The following KIF3B variants were observed in gnomAD, a reference collection of about 807,000 sequenced individuals.
KIF3B encodes the protein kinesin family member 3B.
Under a neutral mutation model 74.3 loss-of-function variants are expected in KIF3B, and 38 were observed. That is an observed-to-expected ratio of 0.51 (90% confidence interval 0.39 to 0.67). KIF3B has a LOEUF of 0.67. KIF3B is among the 30% of genes least tolerant of loss of function. The pLI is 0.00. For synonymous variants in KIF3B, 326 were observed against 342.5 expected, an observed-to-expected ratio of 0.95 and a Z score of 0.53; for missense variants, 649 against 932.0, an observed-to-expected ratio of 0.70 and a Z score of 3.95.
intron 2 of KIF3B, among the ~76,000 whole-genome samples, chr20:32,311,897 G>T (rs1475857945): frequency 3.3e-5 from 5 of 150,712 alleles, no homozygotes; most frequent in Admixed American, 2.6e-4. Context: ...CTGCCATCCG[G>T]GTTCAAGTGA....
At position 32,316,835 on chromosome 20, in the gene KIF3B, A is replaced by G. The variant is rs370815700; in HGVS notation, c.1709A>G (p.Glu570Gly). The change falls in exon 5 of 9, where the codon GAG (glutamate) becomes GGG (glycine). Residue 570 changes from glutamate to glycine, a missense_variant. Transcript: ENST00000375712. ...CACATCAAGGAGCGCCAAGAGCTAGAGCAGACTCAGAATGAGCTCACCAGG... is the reference window on the plus strand; with the variant it reads ...CACATCAAGGAGCGCCAAGAGCTAGGGCAGACTCAGAATGAGCTCACCAGG... ...EEHIKERQEL[E>G]QTQNELTREL... 8.1e-6 allele frequency: 13 copies of G among 1,613,982 alleles called. No individual in the cohort carries two copies. The African/African-American group carries it at 1.6e-4, about 20-fold the overall frequency.
At chr20:32,315,368 A>G (rs1046938503) in intron 2 of KIF3B, among the ~76,000 whole-genome samples, 1 of 152,132 alleles carries the variant, frequency 6.6e-6, no homozygotes. Context: ...CTGTCTGTGT[A>G]TCTGGCCCTG....
In KIF3B at chr20:32,316,333, C is replaced by A. The variant is rs1323326567; in HGVS notation, c.1506+14C>A. On this transcript the variant is annotated intron_variant, in intron 3 of 8. Transcript: ENST00000375712. ...ATTGCAGAGCAGGTAACTTTTCATT[C>A]TTTTTCAGGGAGAATGGGTGAGGTA... is the stretch of plus-strand genomic sequence containing the variant. 3 of 1,591,264 alleles carry A rather than the reference C, an allele frequency of 1.9e-6. No individual in the cohort carries two copies. The highest frequency in any genetic ancestry group is 2.6e-6 in the Non-Finnish European group (3 of 1,159,282).
Position 32,305,687 on chromosome 20 carries a change from A to G in KIF3B, c.-65-4026A>G, listed in dbSNP as rs187835178. ...AGCCTCCGCCTCCCAGGTTCAAACAATTCTGCTGCCTCAAGTAGCTGGGAT... is the reference window on the plus strand; with the variant it reads ...AGCCTCCGCCTCCCAGGTTCAAACAGTTCTGCTGCCTCAAGTAGCTGGGAT... On this transcript the variant is annotated intron_variant, in intron 1 of 8. Coordinates refer to ENST00000375712, the MANE Select transcript of KIF3B (RefSeq NM_004798.4). Among the ~76,000 whole-genome samples the G allele has an allele frequency of 2.8e-3, 415 of 149,988 alleles. 1 individual carries two copies. The highest frequency in any genetic ancestry group is 4.7e-3 in the Non-Finnish European group (321 of 67,684).
chr20:32,316,561 A>G lies in KIF3B; in HGVS notation c.1541A>G (p.Glu514Gly). ...RREREIQQQM[E>G]SRDEETLELK... is the part of the protein sequence containing the mutation. ...GAAAGAGAAATCCAGCAACAGATGG[A>G]AAGTCGAGATGAGGAGACCTTGGAA... is the stretch of plus-strand genomic sequence containing the variant. Residue 514 changes from glutamate (E) to glycine (G), a missense_variant, in exon 4 of 9, where the codon GAA (glutamate) becomes GGA (glycine). Transcript: ENST00000375712. The G allele has an allele frequency of 1.2e-6, 2 of 1,614,124 alleles. No individual in the cohort carries two copies.
chr20:32,326,476 C>T (rs575624338), intron 5 of KIF3B, among the ~76,000 whole-genome samples: 22 of 152,290 alleles, frequency 1.4e-4, no homozygotes, highest in African/African-American at 5.3e-4. Flanking sequence ...AGCCTGTTCA[C>T]ATCCTGCCCC....
chr20:32,319,353 T>A, intron 5 of KIF3B, among the ~76,000 whole-genome samples: 1 of 151,950 alleles, frequency 6.6e-6, no homozygotes, highest in Non-Finnish European at 1.5e-5. Context: ...TAGTTTTGAT[T>A]TGCATATTTC....
chr20:32,305,965 A>G (rs1276062735), intron 1 of KIF3B, among the ~76,000 whole-genome samples: 1 of 151,750 alleles, frequency 6.6e-6, no homozygotes. Context: ...AGGTGCCTGT[A>G]ATCCTAACTA....
intron 1 of KIF3B, among the ~76,000 whole-genome samples, chr20:32,294,318 T>A (rs2047706703): frequency 6.6e-6 from 1 of 152,204 alleles, no homozygotes; most frequent in African/African-American, 2.4e-5. Context: ...GCATTTATTG[T>A]CCTTGTTACT....
In KIF3B at chr20:32,309,650, C is replaced by G. The variant is rs988882854; in HGVS notation, c.-65-63C>G. The G allele has an allele frequency of 4.8e-6, 5 of 1,035,314 alleles. No homozygotes were observed. The African/African-American group carries it at 8.1e-5, about 17-fold the overall frequency. The allele number at this position is 1,035,314 out of a possible 1,614,324, so 64.1% of individuals were successfully genotyped here. On this transcript the variant is annotated intron_variant, in intron 1 of 8. Coordinates refer to ENST00000375712, the MANE Select transcript of KIF3B (RefSeq NM_004798.4). ...GATGAAGACTATTTAGGTGTGTCAG[C>G]TTCTGTCAGGCAGGCTGCAATGACA...
chr20:32,316,181 C>A, intron 2 of KIF3B, 37 bp from the exon 3 acceptor site: 1 of 1,195,092 alleles, frequency 8.4e-7, no homozygotes, highest in South Asian at 1.2e-5. Flanking sequence ...TGAGAGAAAC[C>A]GTTCATGAGA....
chr20:32,300,331 G>A (rs910432324), intron 1 of KIF3B, among the ~76,000 whole-genome samples: 1 of 151,886 alleles, frequency 6.6e-6, no homozygotes, highest in African/African-American at 2.4e-5. Flanking sequence ...GGGCTGGAGT[G>A]CAGTGGTGCG....
At chr20:32,326,460 CT>C (rs1014641149) in intron 5 of KIF3B, among the ~76,000 whole-genome samples, 11 of 152,172 alleles carry the variant, frequency 7.2e-5, no homozygotes, top group Non-Finnish European at 1.3e-4. Flanking sequence ...GGTCACCTCC[CT>C]CTTGAGCCTG....
intron 6 of KIF3B, 141 bp from the exon 7 acceptor site, chr20:32,327,415 G>A (rs976463654): frequency 8.1e-6 from 5 of 616,402 alleles, no homozygotes; most frequent in African/African-American, 1.9e-5. Context: ...AGCAACTCAA[G>A]CAGAAAACAG....
chr20:32,280,408 A>G (rs1252095111), intron 1 of KIF3B, among the ~76,000 whole-genome samples: 2 of 152,058 alleles, frequency 1.3e-5, no homozygotes, highest in Non-Finnish European at 2.9e-5. Context: ...ATGTGCCACA[A>G]TGGGTTGCAA....
intron 1 of KIF3B, among the ~76,000 whole-genome samples, chr20:32,289,733 C>T (rs990268389): frequency 5.9e-5 from 9 of 151,972 alleles, no homozygotes; most frequent in African/African-American, 1.5e-4. Context: ...AAAGAAAAAA[C>T]GTTAAGTAAA....
intron 5 of KIF3B, among the ~76,000 whole-genome samples, chr20:32,325,409 C>G (rs1008810907): frequency 6.6e-6 from 1 of 152,122 alleles, no homozygotes; most frequent in South Asian, 2.1e-4. Context: ...AGGCTGGTCT[C>G]GAACTCCTGA....
At chr20:32,311,376 T>C (rs1330629161) in intron 2 of KIF3B, among the ~76,000 whole-genome samples, 195 bp downstream of exon 2, 1 of 151,978 alleles carries the variant, frequency 6.6e-6, no homozygotes, top group Non-Finnish European at 1.5e-5. Context: ...TTTACAAAAA[T>C]GAAAATTGAA....
In KIF3B at chr20:32,332,321, T is replaced by C. The variant is rs1414043099; in HGVS notation, c.*1002T>C. 1.3e-5 allele frequency: 2 copies of C among 152,390 alleles called. No individual in the cohort carries two copies. Among genetic ancestry groups the C allele is most frequent in the Non-Finnish European group, 2.9e-5 (2 of 68,134 alleles). 9.4% of individuals were successfully genotyped at this position (152,390 alleles called of 1,614,324 possible). On this transcript the variant is annotated 3_prime_UTR_variant, in exon 9 of 9. Coordinates refer to ENST00000375712, the MANE Select transcript of KIF3B (RefSeq NM_004798.4). ...TTCCCCGTTTTGTTCCATATTGGTATAGAGAGCAGAAGAGTAGCTAGGCAG... is the reference window on the plus strand; with the variant it reads ...TTCCCCGTTTTGTTCCATATTGGTACAGAGAGCAGAAGAGTAGCTAGGCAG...
Sources: allele counts gnomAD v4.1 joint callset (sites outside exome capture counted in the v4.1 genomes callset), GRCh38; gene constraint gnomAD v4.1.1; transcripts MANE v1.5; gene names NCBI Gene and HGNC (gene_info 2026-07-23, HGNC 2026-07-21).